NRG3: variants seen among roughly 807,000 people sequenced by gnomAD.
NRG3 encodes neuregulin 3.
Under a neutral mutation model 66.9 loss-of-function variants are expected in NRG3, and 31 were observed. The ratio of observed to expected loss-of-function variants is 0.46; its 90% CI spans 0.35 to 0.63. The LOEUF is 0.63. Ranked by LOEUF, NRG3 falls within the 20% of genes least tolerant of loss-of-function variation. NRG3 has a pLI of 0.00. For synonymous variants in NRG3, 393 were observed against 359.4 expected (o/e 1.09, Z -1.06); for missense variants, 910 against 878.9 (o/e 1.04, Z -0.45).
At chr10:82,351,268 TGA>T (rs1249837872) in intron 1 of NRG3, among the ~76,000 whole-genome samples, 5 of 152,152 alleles carry the variant, frequency 3.3e-5, no homozygotes, top group Non-Finnish European at 7.3e-5. Context: ...TTTCTATGTG[TGA>T]GAAACTTTTA....
intron 1 of NRG3, among the ~76,000 whole-genome samples, chr10:82,089,508 G>C (rs2065910236): frequency 6.6e-6 from 1 of 152,142 alleles, no homozygotes; most frequent in South Asian, 2.1e-4. Context: ...GCAGCCAGGG[G>C]GTGGAGTGGT....
intron 2 of NRG3, among the ~76,000 whole-genome samples, chr10:82,429,949 T>G (rs1467887621): frequency 6.6e-6 from 1 of 152,190 alleles, no homozygotes; most frequent in Admixed American, 6.5e-5. Flanking sequence ...TTGTACTGTT[T>G]TTGACCAAAC....
intron 2 of NRG3, among the ~76,000 whole-genome samples, chr10:82,506,937 C>G (rs1310844587): frequency 6.6e-6 from 1 of 152,178 alleles, no homozygotes; most frequent in Non-Finnish European, 1.5e-5. Flanking sequence ...GGTTCTGTCT[C>G]CTGACCAATT....
At chr10:82,596,699 T>C (rs1376907413) in intron 2 of NRG3, among the ~76,000 whole-genome samples, 2 of 152,160 alleles carry the variant, frequency 1.3e-5, no homozygotes, top group East Asian at 1.9e-4. Flanking sequence ...TCTCTACCAC[T>C]CTCTTTAAAA....
At chr10:82,159,125 GA>G (rs1564619478) in intron 1 of NRG3, among the ~76,000 whole-genome samples, 1 of 151,842 alleles carries the variant, frequency 6.6e-6, no homozygotes, top group Non-Finnish European at 1.5e-5. Flanking sequence ...AAACTTCCAT[GA>G]AGGCTGCAAG....
At chr10:82,619,605 T>TA (rs1285558184) in intron 2 of NRG3, among the ~76,000 whole-genome samples, 2 of 152,220 alleles carry the variant, frequency 1.3e-5, no homozygotes, top group Non-Finnish European at 2.9e-5. Context: ...TTGTGTTTCC[T>TA]AAAAATGTTT....
intron 2 of NRG3, among the ~76,000 whole-genome samples, chr10:82,386,707 T>C (rs995753102): frequency 2.6e-5 from 4 of 152,210 alleles, no homozygotes; most frequent in African/African-American, 9.6e-5. Context: ...TACCCACTAA[T>C]ATGTCTTATC....
intron 2 of NRG3, among the ~76,000 whole-genome samples, chr10:82,724,741 C>A (rs1256006258): frequency 3.3e-5 from 5 of 152,148 alleles, no homozygotes; most frequent in Non-Finnish European, 7.3e-5. Flanking sequence ...TTTAGAGAGA[C>A]AATAATTATT....
chr10:82,781,492 G>A (rs1012963299), intron 3 of NRG3, among the ~76,000 whole-genome samples: 2 of 152,226 alleles, frequency 1.3e-5, no homozygotes, highest in East Asian at 3.9e-4. Flanking sequence ...GAGTCTTCAA[G>A]GGAGGCCTCA....
At position 82,712,502 on chromosome 10, in the gene NRG3, C is replaced by T. The variant is rs145916914; in HGVS notation, c.954-26075C>T. ...AGCAAAAGGTTATGATTCTCCATGG[C>T]CAACGCTTCCGAAGGAGTAAATCTG... On this transcript the variant is annotated intron_variant, in intron 2 of 8. Coordinates refer to ENST00000372141, the MANE Select transcript of NRG3 (RefSeq NM_001010848.4). Among the ~76,000 whole-genome samples the T allele has an allele frequency of 1.6e-3, 239 of 152,260 alleles. 2 individuals carry two copies. The highest frequency in any genetic ancestry group is 2.9e-3 in the Non-Finnish European group (195 of 68,024).
intron 2 of NRG3, among the ~76,000 whole-genome samples, chr10:82,477,369 T>A (rs999936907): frequency 1.3e-5 from 2 of 152,150 alleles, no homozygotes; most frequent in Non-Finnish European, 2.9e-5. Flanking sequence ...ATAATAATAA[T>A]AATGCCAACA....
chr10:82,751,485 G>T (rs2058858881), intron 3 of NRG3, among the ~76,000 whole-genome samples: 1 of 152,092 alleles, frequency 6.6e-6, no homozygotes, highest in Non-Finnish European at 1.5e-5. Context: ...TCTGTAAGTG[G>T]TGTTCCTTAA....
At chr10:82,010,249 C>T (rs564440997) in intron 1 of NRG3, among the ~76,000 whole-genome samples, 3 of 152,240 alleles carry the variant, frequency 2.0e-5, no homozygotes, top group Non-Finnish European at 4.4e-5. Flanking sequence ...TGGCCAAGGT[C>T]ATAAACAAGT....
chr10:82,339,679 T>C (rs1223392966), intron 1 of NRG3, among the ~76,000 whole-genome samples: 1 of 152,196 alleles, frequency 6.6e-6, no homozygotes, highest in Non-Finnish European at 1.5e-5. Flanking sequence ...TTTGAACATG[T>C]TGAGGTTCAA....
intron 1 of NRG3, among the ~76,000 whole-genome samples, chr10:82,047,315 G>T (rs2063347402): frequency 6.6e-6 from 1 of 152,014 alleles, no homozygotes; most frequent in Non-Finnish European, 1.5e-5. Context: ...CACCAAAGTT[G>T]AAATGAAGGA....
At chr10:81,913,570 C>T (rs574020158) in intron 1 of NRG3, among the ~76,000 whole-genome samples, 3 of 152,090 alleles carry the variant, frequency 2.0e-5, no homozygotes, top group South Asian at 2.1e-4. Flanking sequence ...ATTACAAGCA[C>T]GCACCATCAG....
At chr10:82,846,120 C>T (rs2063298025) in intron 3 of NRG3, among the ~76,000 whole-genome samples, 1 of 152,050 alleles carries the variant, frequency 6.6e-6, no homozygotes, top group South Asian at 2.1e-4. Flanking sequence ...ATTATAGACT[C>T]AGGACAACTT....
chr10:81,895,502 T>C (rs1404193939), intron 1 of NRG3, among the ~76,000 whole-genome samples: 2 of 152,218 alleles, frequency 1.3e-5, no homozygotes, highest in Non-Finnish European at 2.9e-5. Context: ...TATCTTGTTT[T>C]GTTTCTCACT....
chr10:82,255,984 T>TG (rs1317524219), intron 1 of NRG3, among the ~76,000 whole-genome samples: 1 of 151,744 alleles, frequency 6.6e-6, no homozygotes, highest in East Asian at 1.9e-4. Context: ...AGTTCAGTGG[T>TG]GCAATCTCGT....
Sources: gnomAD v4.1 joint callset for allele counts (sites outside exome capture counted in the v4.1 genomes callset) on GRCh38, gnomAD v4.1.1 for gene constraint, MANE v1.5 for transcripts, NCBI Gene and HGNC (gene_info 2026-07-23, HGNC 2026-07-21) for gene names.